Variants in ZNF831 observed in about 807,000 individuals in gnomAD.
ZNF831 encodes chromosome 20 open reading frame 174.
In ZNF831, 59 loss-of-function variants were observed where a neutral mutation model predicts 95.8. The ratio of observed to expected loss-of-function variants is 0.62; its 90% CI spans 0.50 to 0.77. The LOEUF (loss-of-function observed/expected upper bound fraction) is 0.77. Ranked by LOEUF, ZNF831 falls within the 30% of genes least tolerant of loss-of-function variation. ZNF831 has a pLI of 0.00. For missense variants in ZNF831, 2,205 were observed against 2,164.0 expected, an observed-to-expected ratio of 1.02 and a Z score of -0.38; for synonymous variants, 961 against 925.5, an observed-to-expected ratio of 1.04 and a Z score of -0.70.
At chr20:59,176,468 T>C (rs1276630402) in intron 1 of ZNF831, among the ~76,000 whole-genome samples, 1 of 152,152 alleles carries the variant, frequency 6.6e-6, no homozygotes, top group Non-Finnish European at 1.5e-5. Flanking sequence ...AAATTGTACC[T>C]TAATTAAAAA....
At chr20:59,160,539 G>C (rs1426873540), upstream of ZNF831, 1 of 152,286 alleles carries the variant, frequency 6.6e-6, no homozygotes. Context: ...GTACCAGGTG[G>C]CTCCACTCAG....
chr20:59,170,096 C>A (rs1204508977), intron 1 of ZNF831, among the ~76,000 whole-genome samples: 1 of 151,794 alleles, frequency 6.6e-6, no homozygotes, highest in Admixed American at 6.6e-5. Flanking sequence ...TGATTTGAAA[C>A]CCTCCCTCTT....
intron 1 of ZNF831, among the ~76,000 whole-genome samples, chr20:59,138,230 C>A (rs1385342896): frequency 6.6e-6 from 1 of 152,136 alleles, no homozygotes; most frequent in African/African-American, 2.4e-5. Context: ...CCTCATTATA[C>A]AATTAGTTGT....
chr20:59,250,064 T>C (rs559558350), intron 4 of ZNF831, among the ~76,000 whole-genome samples: 20 of 152,260 alleles, frequency 1.3e-4, no homozygotes, highest in South Asian at 2.1e-4. Flanking sequence ...ACAAGATTGA[T>C]TGAAAGACTA....
chr20:59,198,115 G>A (rs185640711), intron 3 of ZNF831, among the ~76,000 whole-genome samples: 1 of 152,254 alleles, frequency 6.6e-6, no homozygotes, highest in African/African-American at 2.4e-5. Flanking sequence ...ACACCTGGAG[G>A]TGGCCGAGGA....
upstream of ZNF831, among the ~76,000 whole-genome samples, chr20:59,161,797 C>T (rs890665260): frequency 2.0e-5 from 3 of 152,278 alleles, no homozygotes; most frequent in South Asian, 2.1e-4. Flanking sequence ...ATTGCTGGGT[C>T]GAATGGTAGT....
intron 4 of ZNF831, among the ~76,000 whole-genome samples, chr20:59,234,141 G>C (rs1467660351): frequency 6.6e-6 from 1 of 152,204 alleles, no homozygotes; most frequent in African/African-American, 2.4e-5. Flanking sequence ...TGTCTTTAAG[G>C]AACAGCCTCA....
At position 59,257,936 on chromosome 20, in the gene ZNF831, A is replaced by C. The variant is rs1988257666; in HGVS notation, c.*3193A>C. ...TACACCCAGCTAGATCTTGTCGTTA[A>C]AGATGTATGGAGGGAAGAGGTTTCA... On this transcript the variant is annotated 3_prime_UTR_variant, in exon 6 of 6. Transcript: ENST00000371030. The C allele has an allele frequency of 6.6e-6, 1 of 152,186 alleles. No homozygotes were observed. The highest frequency in any genetic ancestry group is 1.5e-5 in the Non-Finnish European group (1 of 68,028). The allele number at this position is 152,186 out of a possible 1,614,324, so 9.4% of individuals were successfully genotyped here. A position where few individuals can be genotyped will look rare whatever the true frequency, so the allele number is the denominator to read the frequency against.
intron 3 of ZNF831, among the ~76,000 whole-genome samples, chr20:59,200,346 T>A (rs768338291): frequency 2.0e-5 from 3 of 152,198 alleles, no homozygotes; most frequent in Non-Finnish European, 2.9e-5. Flanking sequence ...TCCTTTTCTA[T>A]CTTTCATGTC....
rs758200213 is a variant in ZNF831, at chr20:59,191,269, G to A, written c.250G>A (p.Gly84Arg). The change falls in exon 2 of 6, where the codon GGG (glycine) becomes AGG (arginine). Residue 84 changes from glycine to arginine, a missense_variant. Transcript: ENST00000371030. ...RAPLVTGSLD[G>R]GNVPFILSPV... The stretch of plus-strand genomic sequence containing the variant: ...CCCGCTAGTGACGGGCAGCCTAGAT[G>A]GGGGCAACGTGCCCTTCATACTCAG... The A allele has an allele frequency of 2.1e-5, 33 of 1,559,338 alleles. No individual in the cohort carries two copies. In the South Asian group the frequency reaches 3.8e-4, roughly 18 times the overall value.
chr20:59,144,928 T>C (rs1012114252), intron 1 of ZNF831, among the ~76,000 whole-genome samples: 1 of 152,180 alleles, frequency 6.6e-6, no homozygotes, highest in African/African-American at 2.4e-5. Context: ...GGAGGGCCTG[T>C]GAATTTGTCC....
At chr20:59,153,303 G>T (rs1457828273) in intron 2 of ZNF831, among the ~76,000 whole-genome samples, 1 of 152,236 alleles carries the variant, frequency 6.6e-6, no homozygotes, top group South Asian at 2.1e-4. Context: ...GAGAGAACAG[G>T]AAGGAGTCAA....
chr20:59,127,881 G>C (rs1979225071), intron 1 of ZNF831, among the ~76,000 whole-genome samples: 1 of 152,254 alleles, frequency 6.6e-6, no homozygotes, highest in South Asian at 2.1e-4. Context: ...AGAGGATGCA[G>C]AGTGGAGCCT....
At chr20:59,148,399 C>CATGAGAGCAAGCAGGGTGCTGACTCTG (rs1568725851) in intron 2 of ZNF831, among the ~76,000 whole-genome samples, 4 of 147,880 alleles carry the variant, frequency 2.7e-5, no homozygotes, top group African/African-American at 1.0e-4. Flanking sequence ...TAGAACAGAG[C>CATGAGAGCAAGCAGGGTGCTGACTCTG]GGCCGGGCGC....
chr20:59,144,334 G>A (rs973102987), intron 1 of ZNF831, among the ~76,000 whole-genome samples: 1 of 152,094 alleles, frequency 6.6e-6, no homozygotes, highest in Non-Finnish European at 1.5e-5. Context: ...AGGCTGGAGG[G>A]GTTGCTGAGG....
intron 4 of ZNF831, among the ~76,000 whole-genome samples, chr20:59,221,825 G>A (rs1601416775): frequency 6.6e-6 from 1 of 152,126 alleles, no homozygotes; most frequent in African/African-American, 2.4e-5. Flanking sequence ...TCAGCTTTCC[G>A]GTTTTGCTAG....
At chr20:59,211,971 G>A (rs920496187) in intron 4 of ZNF831, among the ~76,000 whole-genome samples, 3 of 125,344 alleles carry the variant, frequency 2.4e-5, no homozygotes, top group Non-Finnish European at 3.6e-5. Flanking sequence ...CTTTGTGTAG[G>A]TGGAGGTGGG....
chr20:59,124,867 G>T (rs1447967830), intron 1 of ZNF831, among the ~76,000 whole-genome samples: 1 of 152,134 alleles, frequency 6.6e-6, no homozygotes, highest in Non-Finnish European at 1.5e-5. Flanking sequence ...CCTCCTCCAC[G>T]CTGGGAGTGT....
chr20:59,139,011 C>CT lies in ZNF831; in HGVS notation c.-1424-7210dup, dbSNP rs879822839. On this transcript the variant is annotated intron_variant, in intron 1 of 7. Transcript: ENST00000637017. ...GCCACTTTCAATTCTGTTTCCTTCT[C>CT]TTTTTTTTTTGACAGCGGTTACTGC... is the stretch of plus-strand genomic sequence containing the variant. Among the ~76,000 whole-genome samples, 264 of 148,898 alleles carry CT rather than the reference C, an allele frequency of 1.8e-3. 1 individual carries two copies. The highest frequency in any genetic ancestry group is 4.8e-3 in the African/African-American group (194 of 40,742).
Sources: gnomAD v4.1 joint callset for allele counts (sites outside exome capture counted in the v4.1 genomes callset) on GRCh38, gnomAD v4.1.1 for gene constraint, MANE v1.5 for transcripts, NCBI Gene and HGNC (gene_info 2026-07-23, HGNC 2026-07-21) for gene names.